TMCC1: variants seen among roughly 807,000 people sequenced by gnomAD.
TMCC1 encodes transmembrane and coiled-coil domain family 1.
In TMCC1, 15 loss-of-function variants were observed where a neutral mutation model predicts 52.4. That is an observed-to-expected ratio of 0.29 (90% confidence interval 0.19 to 0.44). TMCC1 has a LOEUF of 0.44. Ranked by LOEUF, TMCC1 falls within the 20% of genes least tolerant of loss-of-function variation. The probability of loss-of-function intolerance (pLI) is 1.00; values close to 1 mark genes in which losing one functional copy is unlikely to be tolerated. For synonymous variants in TMCC1, 279 were observed against 301.9 expected (o/e 0.92, Z 0.79); for missense variants, 503 against 806.0 (o/e 0.62, Z 4.55).
At chr3:129,806,264 G>T (rs2057459248) in intron 4 of TMCC1, among the ~76,000 whole-genome samples, 1 of 152,204 alleles carries the variant, frequency 6.6e-6, no homozygotes, top group Admixed American at 6.5e-5. Flanking sequence ...CACAGGCAGA[G>T]AACTGGAGAG....
chr3:129,702,477 T>C (rs2108975731), intron 4 of TMCC1, among the ~76,000 whole-genome samples: 1 of 152,312 alleles, frequency 6.6e-6, no homozygotes, highest in Non-Finnish European at 1.5e-5. Flanking sequence ...TCTGTATTGC[T>C]GGAAAACTAC....
At chr3:129,732,543 T>C (rs2050625422) in intron 4 of TMCC1, among the ~76,000 whole-genome samples, 2 of 152,210 alleles carry the variant, frequency 1.3e-5, no homozygotes, top group South Asian at 2.1e-4. Flanking sequence ...AAATATCTTA[T>C]AATCTCCCAG....
At chr3:129,784,919 G>T (rs754662719) in intron 4 of TMCC1, among the ~76,000 whole-genome samples, 20 of 152,074 alleles carry the variant, frequency 1.3e-4, no homozygotes, top group Non-Finnish European at 2.2e-4. Context: ...GTTTGAGGCT[G>T]CAGTAAGCTC....
At chr3:129,661,235 G>A (rs924316330) in intron 5 of TMCC1, among the ~76,000 whole-genome samples, 1 of 152,132 alleles carries the variant, frequency 6.6e-6, no homozygotes, top group Non-Finnish European at 1.5e-5. Flanking sequence ...AGACCAATCT[G>A]GGCAAAATAG....
intron 1 of TMCC1, among the ~76,000 whole-genome samples, chr3:129,885,778 C>T (rs1487842397): frequency 6.6e-6 from 1 of 151,874 alleles, no homozygotes; most frequent in East Asian, 1.9e-4. Flanking sequence ...GAGTCTCACT[C>T]TGTCACCAGG....
At position 129,670,430 on chromosome 3, in the gene TMCC1, C is replaced by T. The variant is rs536071481; in HGVS notation, c.1411G>A (p.Glu471Lys). The T allele has an allele frequency of 6.2e-7, 1 of 1,614,172 alleles. No individual in the cohort carries two copies. The highest frequency in any genetic ancestry group is 1.3e-5 in the African/African-American group (1 of 75,046). ...GATTCCTCTAGTCTGGCCTGGGTTT[C>T]CCGGATCTCCTGGATCTCATGTAGT... Reference protein sequence around the residue: ...ALLHEIQEIRETQARLEESFE... With the variant: ...ALLHEIQEIRKTQARLEESFE... Residue 471 changes from glutamate (E) to lysine (K), a missense_variant, in exon 5 of 7, where the codon GAA (glutamate) becomes AAA (lysine). This residue lies in a region of TMCC1 where 121 missense variants were observed against 193.6 expected (regional missense o/e 0.62). Coordinates refer to ENST00000393238, the MANE Select transcript of TMCC1 (RefSeq NM_001017395.5).
chr3:129,891,862 G>A (rs182711086), intron 1 of TMCC1, among the ~76,000 whole-genome samples: 2 of 152,348 alleles, frequency 1.3e-5, no homozygotes, highest in Non-Finnish European at 2.9e-5. Context: ...GGCATAAGCA[G>A]TCTTGCAGAA....
intron 4 of TMCC1, among the ~76,000 whole-genome samples, chr3:129,711,894 A>C (rs377370543): frequency 1.0e-3 from 151 of 148,900 alleles, no homozygotes; most frequent in African/African-American, 3.3e-3. Flanking sequence ...CCCAGCTACT[A>C]AGGAGGCTGA....
chr3:129,748,757 C>G (rs2052223642), intron 4 of TMCC1, among the ~76,000 whole-genome samples: 1 of 151,890 alleles, frequency 6.6e-6, no homozygotes, highest in South Asian at 2.1e-4. Flanking sequence ...AATCCCAGCA[C>G]TTTGGGAGGC....
Position 129,828,539 on chromosome 3 carries a change from A to G in TMCC1, c.-130-31T>C. The G allele has an allele frequency of 1.8e-6, 1 of 556,822 alleles. No individual in the cohort carries two copies. The highest frequency in any genetic ancestry group is 3.0e-6 in the Non-Finnish European group (1 of 334,656). The allele number at this position is 556,822 out of a possible 1,614,324, so 34.5% of individuals were successfully genotyped here. On this transcript the variant is annotated intron_variant, in intron 3 of 6. Transcript: ENST00000393238. This position sits in a 1 kb window ranked among gnomAD's most constrained non-coding sequence, Gnocchi z 4.1. ...GTTAAAAACAAAAAAACAAAAAAAC[A>G]AAAAAAAAACCTTATATTATAAATC...
chr3:129,858,618 C>T (rs548325972), intron 2 of TMCC1, among the ~76,000 whole-genome samples: 1 of 152,238 alleles, frequency 6.6e-6, no homozygotes, highest in Admixed American at 6.5e-5. Flanking sequence ...GCAATCCACC[C>T]ACCTCAGCCT....
chr3:129,746,431 G>A (rs1166096715), intron 4 of TMCC1, among the ~76,000 whole-genome samples: 2 of 150,406 alleles, frequency 1.3e-5, no homozygotes, highest in Admixed American at 6.6e-5. Flanking sequence ...CGCCCGCCTC[G>A]GCCTCCCAAA....
chr3:129,708,582 C>T (rs2048417740), intron 4 of TMCC1, among the ~76,000 whole-genome samples: 1 of 152,152 alleles, frequency 6.6e-6, no homozygotes, highest in African/African-American at 2.4e-5. Flanking sequence ...CTCTGTTGCT[C>T]AAAATTTTAA....
At chr3:129,690,280 T>TC (rs1238269592) in intron 4 of TMCC1, among the ~76,000 whole-genome samples, 1 of 152,236 alleles carries the variant, frequency 6.6e-6, no homozygotes. Context: ...TAGTAATATA[T>TC]CTGATGTGGG....
At chr3:129,657,809 A>C (rs1008676036) in intron 5 of TMCC1, among the ~76,000 whole-genome samples, 5 of 152,174 alleles carry the variant, frequency 3.3e-5, no homozygotes, top group African/African-American at 1.2e-4. Context: ...TGCTGTTGGG[A>C]ATGGAAAATG....
chr3:129,809,941 T>C (rs2057707793), intron 4 of TMCC1, among the ~76,000 whole-genome samples: 1 of 152,186 alleles, frequency 6.6e-6, no homozygotes, highest in Non-Finnish European at 1.5e-5. Context: ...AGAAAAACAT[T>C]AGAGCTACAA....
intron 2 of TMCC1, chr3:129,847,853 T>C (rs551153746): frequency 9.9e-4 from 151 of 152,364 alleles, no homozygotes; most frequent in African/African-American, 3.4e-3. Context: ...TCCTATTCAT[T>C]ACAGCCATTC....
At chr3:129,730,908 C>T (rs530916118) in intron 4 of TMCC1, among the ~76,000 whole-genome samples, 26 of 152,270 alleles carry the variant, frequency 1.7e-4, no homozygotes, top group Non-Finnish European at 3.4e-4. Context: ...AAAAAGAAAT[C>T]TCCCTGTGGT....
Position 129,828,530 on chromosome 3 carries a change from C to G in TMCC1, c.-130-22G>C. 1 of 618,918 alleles carries G rather than the reference C, an allele frequency of 1.6e-6. No homozygotes were observed. The highest frequency in any genetic ancestry group is 2.7e-6 in the Non-Finnish European group (1 of 376,442). The allele number at this position is 618,918 out of a possible 1,614,324, so 38.3% of individuals were successfully genotyped here. On this transcript the variant is annotated intron_variant, in intron 3 of 6. Transcript: ENST00000393238. The surrounding 1 kb of genome is among the most constrained non-coding windows in gnomAD (Gnocchi z 4.1). ...CTATCTAATGTTAAAAACAAAAAAA[C>G]AAAAAAACAAAAAAAAAACCTTATA...
Sources: gnomAD v4.1 joint callset for allele counts (sites outside exome capture counted in the v4.1 genomes callset) on GRCh38, gnomAD v4.1.1 for gene constraint, gnomAD v4.1.1 regional missense constraint, Gnocchi (gnomAD v3.1) non-coding constraint, MANE v1.5 for transcripts, NCBI Gene and HGNC (gene_info 2026-07-23, HGNC 2026-07-21) for gene names.